Variants in ZNF589 observed in about 807,000 individuals in gnomAD.
The protein encoded by ZNF589 is KRAB-zinc finger protein SZF1-1.
A neutral mutation model predicts 13.6 loss-of-function variants in ZNF589; 17 were observed. The observed-to-expected ratio is 1.25, with a 90% CI of 0.86 to 1.88. The LOEUF is 1.88. Ranked by LOEUF, ZNF589 falls within the 40% of genes most tolerant of loss-of-function variation. ZNF589 has a pLI of 0.00. For synonymous variants in ZNF589, 148 were observed against 161.6 expected (o/e 0.92, Z 0.64); for missense variants, 407 against 434.0 (o/e 0.94, Z 0.55).
At chr3:48,258,018 C>A in intron 2 of ZNF589, 1 of 410,824 alleles carries the variant, frequency 2.4e-6, no homozygotes, top group Non-Finnish European at 4.7e-6. Flanking sequence ...AGTTTCTTTG[C>A]CTTATCATAT....
chr3:48,261,441 T>C lies in ZNF589; in HGVS notation c.223+502T>C, dbSNP rs564028110. On this transcript the variant is annotated intron_variant, in intron 3 of 3. Coordinates refer to ENST00000354698, the MANE Select transcript of ZNF589 (RefSeq NM_016089.3). ...AGGAAAAGCAAGGAGGCCAAGGTGG[T>C]TGGAGTACAGAGAACAAGGAGGAGA... 2.1e-4 allele frequency among the ~76,000 whole-genome samples: 32 copies of C among 152,214 alleles called. No individual in the cohort carries two copies. The South Asian group carries it at 6.7e-3, about 32-fold the overall frequency.
chr3:48,256,841 C>G, intron 2 of ZNF589: 3 of 1,350,230 alleles, frequency 2.2e-6, no homozygotes, highest in Non-Finnish European at 3.1e-6. Context: ...CCTGAAACCA[C>G]GAGCTGGAAG....
intron 2 of ZNF589, among the ~76,000 whole-genome samples, chr3:48,249,096 CCTT>C (rs2033803936): frequency 6.8e-6 from 1 of 147,454 alleles, no homozygotes; most frequent in South Asian, 2.2e-4. Context: ...TCTGCCCCAA[CCTT>C]TTTTTTTCTT....
Position 48,243,859 on chromosome 3 carries a change from C to T in ZNF589, c.43+2645C>T, listed in dbSNP as rs2033731010. 2.0e-5 allele frequency among the ~76,000 whole-genome samples: 3 copies of T among 151,444 alleles called. No individual in the cohort carries two copies. The South Asian group carries it at 6.2e-4, about 32-fold the overall frequency. On this transcript the variant is annotated intron_variant, in intron 1 of 3. Coordinates refer to ENST00000354698, the MANE Select transcript of ZNF589 (RefSeq NM_016089.3). ...AAGGATAATAACTTTTCCCTCTTGTCATGAGTGGCAAAGAAGATGTTTTGT... is the reference window on the plus strand; with the variant it reads ...AAGGATAATAACTTTTCCCTCTTGTTATGAGTGGCAAAGAAGATGTTTTGT...
chr3:48,256,513 C>T (rs1002668224), intron 2 of ZNF589: 1 of 622,320 alleles, frequency 1.6e-6, no homozygotes, highest in Admixed American at 2.3e-5. Flanking sequence ...GGGGTTTGCC[C>T]TTTGGAACAA....
intron 1 of ZNF589, among the ~76,000 whole-genome samples, chr3:48,246,768 A>G (rs1349228961): frequency 6.6e-6 from 1 of 152,094 alleles, no homozygotes; most frequent in Non-Finnish European, 1.5e-5. Context: ...TCCCGGGTTC[A>G]TGCCATTCTC....
intron 3 of ZNF589, among the ~76,000 whole-genome samples, chr3:48,261,174 T>G (rs2033966567): frequency 6.6e-6 from 1 of 151,858 alleles, no homozygotes; most frequent in African/African-American, 2.4e-5. Context: ...TAAAAAAAAA[T>G]GTATAAGATA....
chr3:48,247,602 A>G (rs764735692), intron 1 of ZNF589, 23 bp from the exon 2 acceptor site: 12 of 1,610,932 alleles, frequency 7.4e-6, no homozygotes, highest in Non-Finnish European at 1.0e-5. Context: ...TGGCTTCTCA[A>G]GGTTGCTTCT....
At chr3:48,255,794 C>T (rs1487852410) in intron 2 of ZNF589, among the ~76,000 whole-genome samples, 5 of 151,802 alleles carry the variant, frequency 3.3e-5, no homozygotes, top group Admixed American at 6.6e-5. Flanking sequence ...TGGCCAGAGA[C>T]GGGGTCTTGC....
At chr3:48,266,225 C>T (rs2034017615) in intron 3 of ZNF589, among the ~76,000 whole-genome samples, 1 of 152,226 alleles carries the variant, frequency 6.6e-6, no homozygotes, top group South Asian at 2.1e-4. Context: ...TGCAATACCT[C>T]TTGGGAAAGC....
Position 48,268,473 on chromosome 3 carries a change from C to T in ZNF589, c.782C>T (p.Ser261Leu), listed in dbSNP as rs1481989871. The change falls in exon 4 of 4, where the codon TCA becomes TTA. Residue 261 changes from serine to leucine, a missense_variant. Ser to Leu is a moderately radical substitution (Grantham distance 145, BLOSUM62 -2). Transcript: ENST00000354698. ...RECGRGFSRK[S>L]QLIIHQRTHT... ...TGTGGGCGAGGCTTTAGCAGGAAGT[C>T]ACAGCTCATCATACACCAGAGGACA... 6.2e-7 allele frequency: 1 copy of T among 1,614,118 alleles called. No homozygotes were observed. Among genetic ancestry groups the T allele is most frequent in the Admixed American group, 1.7e-5 (1 of 60,008 alleles).
chr3:48,255,579 C>T (rs962947209), intron 2 of ZNF589, among the ~76,000 whole-genome samples: 1 of 149,108 alleles, frequency 6.7e-6, no homozygotes, highest in East Asian at 2.0e-4. Flanking sequence ...CCGCAACCTC[C>T]GCCTCCCGGG....
Position 48,268,359 on chromosome 3 carries a change from C to G in ZNF589, c.668C>G (p.Ala223Gly). The G allele has an allele frequency of 1.9e-6, 3 of 1,614,180 alleles. No homozygotes were observed. In the South Asian group the frequency reaches 3.3e-5, roughly 18 times the overall value. ...GAVTFGECAL[A>G]FNQKSNLFRQ... ...GTCACGTTTGGGGAGTGTGCACTAG[C>G]TTTTAACCAGAAGTCAAACCTGTTC... is the stretch of plus-strand genomic sequence containing the variant. Residue 223 changes from alanine to glycine, a missense_variant, in exon 4 of 4, where the codon GCT becomes GGT. Ala to Gly is a moderately conservative substitution (Grantham distance 60). Transcript: ENST00000354698.
Position 48,244,503 on chromosome 3 carries a change from A to G in ZNF589, c.44-3122A>G, listed in dbSNP as rs193033697. On this transcript the variant is annotated intron_variant, in intron 1 of 3. Coordinates refer to ENST00000354698, the MANE Select transcript of ZNF589 (RefSeq NM_016089.3). ...GTGCAGTTCTGGATAGATACATAGT[A>G]TAGGCACATATTATGGGGCCAGGAT... 2.2e-3 allele frequency among the ~76,000 whole-genome samples: 330 copies of G among 152,240 alleles called. 3 individuals carry two copies. Among genetic ancestry groups the G allele is most frequent in the African/African-American group, 7.1e-3 (296 of 41,570 alleles).
At chr3:48,256,634 CGG>C in intron 2 of ZNF589, 1 of 955,444 alleles carries the variant, frequency 1.0e-6, no homozygotes, top group South Asian at 1.3e-5. Context: ...TGTGATCTTT[CGG>C]GGCAGCATGC....
intron 3 of ZNF589, among the ~76,000 whole-genome samples, chr3:48,266,902 G>C (rs893370851): frequency 5.9e-5 from 9 of 152,142 alleles, no homozygotes; most frequent in Admixed American, 1.3e-4. Flanking sequence ...TGTTTCCACT[G>C]AGAGAACAGT....
At chr3:48,246,399 ATAC>A (rs1305325775) in intron 1 of ZNF589, among the ~76,000 whole-genome samples, 1 of 152,242 alleles carries the variant, frequency 6.6e-6, no homozygotes, top group African/African-American at 2.4e-5. Context: ...ATGGTCTTTA[ATAC>A]TTTTTTCTCC....
Position 48,270,044 on chromosome 3 carries a change from G to A in ZNF589, c.*1258G>A. 2.2e-6 allele frequency: 1 copy of A among 457,314 alleles called. No individual in the cohort carries two copies. Among genetic ancestry groups the A allele is most frequent in the South Asian group, 1.5e-5 (1 of 64,566 alleles). 28.3% of individuals were successfully genotyped at this position (457,314 alleles called of 1,614,324 possible). ...CTGAGAGCAGAGGTGTCAAGTGACG[G>A]TCCCCTTGGAGGAATGGTCTTTGCA... On this transcript the variant is annotated 3_prime_UTR_variant, in exon 4 of 4. Transcript: ENST00000354698.
At chr3:48,260,465 A>G (rs1423711406) in intron 2 of ZNF589, among the ~76,000 whole-genome samples, 2 of 151,968 alleles carry the variant, frequency 1.3e-5, no homozygotes, top group Non-Finnish European at 1.5e-5. Flanking sequence ...CTGGAGTGCA[A>G]TGGAGTGATC....
Sources: allele counts gnomAD v4.1 joint callset (sites outside exome capture counted in the v4.1 genomes callset), GRCh38; gene constraint gnomAD v4.1.1; transcripts MANE v1.5; gene names NCBI Gene and HGNC (gene_info 2026-07-23, HGNC 2026-07-21).